Variants in TET1 observed in about 807,000 individuals in gnomAD.
The protein encoded by TET1 is methylcytosine dioxygenase TET1.
In TET1, 13 loss-of-function variants were observed where a neutral mutation model predicts 148.7. The ratio of observed to expected loss-of-function variants is 0.09; its 90% CI spans 0.06 to 0.14. The LOEUF (loss-of-function observed/expected upper bound fraction) is 0.14, where lower values mean the gene tolerates loss of function less well. Among genes scored for constraint, TET1 ranks in the 10% least tolerant of loss-of-function variants. The pLI is 1.00. For synonymous variants in TET1, 907 were observed against 937.2 expected, an observed-to-expected ratio of 0.97 and a Z score of 0.59; for missense variants, 2,182 against 2,553.8, an observed-to-expected ratio of 0.85 and a Z score of 3.14.
intron 3 of TET1, among the ~76,000 whole-genome samples, chr10:68,618,141 C>A (rs2054321774): frequency 6.6e-6 from 1 of 151,918 alleles, no homozygotes; most frequent in Non-Finnish European, 1.5e-5. Flanking sequence ...AAGGAGGAAA[C>A]CTTTTAAGTA....
intron 2 of TET1, among the ~76,000 whole-genome samples, chr10:68,584,156 C>T (rs902903192): frequency 1.3e-5 from 2 of 151,550 alleles, no homozygotes; most frequent in Middle Eastern, 3.4e-3. Flanking sequence ...TCTCCTGTCT[C>T]AGCCTCCCGA....
intron 4 of TET1, among the ~76,000 whole-genome samples, chr10:68,649,899 T>C (rs1456691959): frequency 6.6e-6 from 1 of 152,184 alleles, no homozygotes; most frequent in African/African-American, 2.4e-5. Context: ...AGTAAATCAT[T>C]ACATGTAAGT....
chr10:68,580,121 T>C (rs1029597232), intron 2 of TET1, among the ~76,000 whole-genome samples: 24 of 151,250 alleles, frequency 1.6e-4, no homozygotes, highest in Non-Finnish European at 3.4e-4. Context: ...AGAGATGGGG[T>C]TTCTCCATGT....
chr10:68,684,574 A>G (rs1288760458), intron 10 of TET1, among the ~76,000 whole-genome samples: 1 of 152,128 alleles, frequency 6.6e-6, no homozygotes, highest in Non-Finnish European at 1.5e-5. Flanking sequence ...AAGTCAGTTC[A>G]GAGTCAAGCT....
At chr10:68,654,579 T>C (rs2054994712) in intron 6 of TET1, among the ~76,000 whole-genome samples, 1 of 152,174 alleles carries the variant, frequency 6.6e-6, no homozygotes, top group African/African-American at 2.4e-5. Context: ...ATCGTGCCTC[T>C]GCACTCCAGC....
intron 1 of TET1, among the ~76,000 whole-genome samples, chr10:68,568,439 T>C (rs2053630945): frequency 6.6e-6 from 1 of 151,742 alleles, no homozygotes; most frequent in East Asian, 1.9e-4. Context: ...GCCAGGCTGG[T>C]CTCGAACTCC....
At position 68,573,321 on chromosome 10, in the gene TET1, A is replaced by G. The variant is rs2053691884; in HGVS notation, c.983A>G (p.Lys328Arg). The G allele has an allele frequency of 6.2e-7, 1 of 1,613,948 alleles. No homozygotes were observed. The highest frequency in any genetic ancestry group is 1.7e-5 in the Admixed American group (1 of 59,990). ...GGSTSPTSVI[K>R]FLLAGSKQAT... Reference sequence around the variant, plus strand: ...TCTACGTCTCCTACCTCTGTAATAAAATTCCTCTTGGCAGGCTCAAAACAA... The same window carrying G: ...TCTACGTCTCCTACCTCTGTAATAAGATTCCTCTTGGCAGGCTCAAAACAA... The change falls in exon 2 of 12, where the codon AAA (lysine) becomes AGA (arginine). Residue 328 changes from lysine (K) to arginine (R), a missense_variant. Transcript: ENST00000373644.
chr10:68,664,670 A>ATTTTTT (rs398013961), intron 6 of TET1, among the ~76,000 whole-genome samples: 1 of 99,542 alleles, frequency 1.0e-5, no homozygotes, highest in Non-Finnish European at 1.9e-5. Context: ...CCCAGCCTGC[A>ATTTTTT]TTTTTTTTTT....
intron 1 of TET1, among the ~76,000 whole-genome samples, chr10:68,565,473 A>ATATAT (rs1554927796): frequency 1.9e-5 from 1 of 51,506 alleles, no homozygotes; most frequent in East Asian, 5.2e-4. Flanking sequence ...TTAAAAAAAA[A>ATATAT]AAATATATAT....
intron 2 of TET1, among the ~76,000 whole-genome samples, chr10:68,585,881 G>A (rs1322681849): frequency 6.6e-6 from 1 of 151,684 alleles, no homozygotes; most frequent in Middle Eastern, 3.4e-3. Flanking sequence ...GGTGGTGTGC[G>A]CCTGTAGTCC....
At chr10:68,599,002 A>C (rs927237064) in intron 2 of TET1, among the ~76,000 whole-genome samples, 12 of 151,944 alleles carry the variant, frequency 7.9e-5, no homozygotes, top group African/African-American at 2.4e-4. Context: ...TTTTTTTCTT[A>C]CATGAATTTG....
At chr10:68,677,250 G>A (rs771631500) in intron 8 of TET1, among the ~76,000 whole-genome samples, 4 of 152,110 alleles carry the variant, frequency 2.6e-5, no homozygotes, top group East Asian at 1.9e-4. Flanking sequence ...CTCATCAAAC[G>A]GGGGCAGTTT....
At chr10:68,677,538 T>C (rs1589131037) in intron 8 of TET1, among the ~76,000 whole-genome samples, 1 of 152,232 alleles carries the variant, frequency 6.6e-6, no homozygotes, top group Non-Finnish European at 1.5e-5. Context: ...AATAATGTTA[T>C]TTTATTTTTT....
intron 8 of TET1, among the ~76,000 whole-genome samples, chr10:68,678,705 G>A (rs542645323): frequency 1.3e-5 from 2 of 152,024 alleles, no homozygotes; most frequent in African/African-American, 2.4e-5. Context: ...AGCTGAGATC[G>A]CACCACTGCA....
intron 2 of TET1, among the ~76,000 whole-genome samples, chr10:68,588,521 G>T (rs767669953): frequency 1.3e-5 from 2 of 152,092 alleles, no homozygotes; most frequent in Non-Finnish European, 2.9e-5. Context: ...AGGCAATGAG[G>T]AAAATGTGAA....
rs200591659 is a variant in TET1 at position 68,627,629 on chromosome 10, C to T, written c.1969-17069C>T. On this transcript the variant is annotated intron_variant, in intron 3 of 11. Transcript: ENST00000373644. ...GTAAAAAGAAAACTCAATCACCATG[C>T]AGTTAAGAAATAAAGTGGCCGGGCG... is the stretch of plus-strand genomic sequence containing the variant. 1.3e-4 allele frequency among the ~76,000 whole-genome samples: 19 copies of T among 151,198 alleles called. No homozygotes were observed. In the East Asian group the frequency reaches 1.6e-3, roughly 13 times the overall value.
chr10:68,677,783 G>C (rs978943399), intron 8 of TET1, among the ~76,000 whole-genome samples: 1 of 152,148 alleles, frequency 6.6e-6, no homozygotes, highest in African/African-American at 2.4e-5. Flanking sequence ...ACCACGCCCA[G>C]CTAATTTTGT....
At chr10:68,675,447 T>C (rs2055335925) in intron 8 of TET1, among the ~76,000 whole-genome samples, 1 of 152,004 alleles carries the variant, frequency 6.6e-6, no homozygotes, top group Admixed American at 6.6e-5. Context: ...TGATGCCTTA[T>C]AAAAAGCTTA....
Position 68,646,216 on chromosome 10 carries a change from C to G in TET1, c.3487C>G (p.Pro1163Ala). ...ATCAAGAGATCGGCGGAAAAAGAAG[C>G]CCACAGTTGTAAGTTATCAAGAAAA... Reference protein sequence around the residue: ...TPSRDRRKKKPTVVSYQENDR... With the variant: ...TPSRDRRKKKATVVSYQENDR... The change falls in exon 4 of 12, where the codon CCC becomes GCC. Residue 1163 changes from proline (P) to alanine (A), a missense_variant. Around this residue, in one of 11 missense-constraint regions of TET1, gnomAD observed 582 missense variants for 599.5 expected, o/e 0.97. Coordinates refer to ENST00000373644, the MANE Select transcript of TET1 (RefSeq NM_030625.3). The G allele has an allele frequency of 6.2e-7, 1 of 1,614,038 alleles. No individual in the cohort carries two copies. Among genetic ancestry groups the G allele is most frequent in the Non-Finnish European group, 8.5e-7 (1 of 1,180,006 alleles).
Sources: gnomAD v4.1 joint callset for allele counts (sites outside exome capture counted in the v4.1 genomes callset) on GRCh38, gnomAD v4.1.1 for gene constraint, gnomAD v4.1.1 regional missense constraint, MANE v1.5 for transcripts, NCBI Gene and HGNC (gene_info 2026-07-23, HGNC 2026-07-21) for gene names.